DDX10: variants seen among roughly 807,000 people sequenced by gnomAD.
The protein encoded by DDX10 is DEAD-box helicase 10.
Under a neutral mutation model 104.3 loss-of-function variants are expected in DDX10, and 74 were observed. The ratio of observed to expected loss-of-function variants is 0.71; its 90% CI spans 0.59 to 0.86. The LOEUF is 0.86. DDX10 is among the 40% of genes least tolerant of loss of function. The pLI, the probability that DDX10 is intolerant of heterozygous loss-of-function variation, is 0.00. For synonymous variants in DDX10, 351 were observed against 353.4 expected, an observed-to-expected ratio of 0.99 and a Z score of 0.08; for missense variants, 952 against 1,040.0, an observed-to-expected ratio of 0.92 and a Z score of 1.16.
chr11:108,730,424 A>G (rs1316227163), intron 13 of DDX10, among the ~76,000 whole-genome samples: 1 of 152,220 alleles, frequency 6.6e-6, no homozygotes, highest in Non-Finnish European at 1.5e-5. Flanking sequence ...ATCAAACAAA[A>G]GGAAAATATT....
intron 13 of DDX10, among the ~76,000 whole-genome samples, chr11:108,787,930 C>A (rs567826047): frequency 2.6e-4 from 39 of 150,276 alleles, no homozygotes; most frequent in Non-Finnish European, 3.9e-4. Flanking sequence ...AACTCCATCT[C>A]AAAAAAAAAT....
chr11:108,698,265 A>C (rs1036751444), intron 9 of DDX10, among the ~76,000 whole-genome samples: 14 of 152,248 alleles, frequency 9.2e-5, no homozygotes, highest in African/African-American at 3.4e-4. Flanking sequence ...AAATAATAAA[A>C]GTAAAAAGAC....
chr11:108,828,202 T>C (rs1334574731), intron 13 of DDX10, among the ~76,000 whole-genome samples: 1 of 152,226 alleles, frequency 6.6e-6, no homozygotes, highest in East Asian at 1.9e-4. Context: ...GCAGTGTTTA[T>C]TTACATGAAT....
rs552544144 is a variant in DDX10 at position 108,790,226 on chromosome 11, A to G, written c.1966-48220A>G. 2.8e-4 allele frequency among the ~76,000 whole-genome samples: 43 copies of G among 152,300 alleles called. No homozygotes were observed. The South Asian group carries it at 4.6e-3, about 16-fold the overall frequency. On this transcript the variant is annotated intron_variant, in intron 13 of 17. Transcript: ENST00000322536. The stretch of plus-strand genomic sequence containing the variant: ...AAAATTTCGCTTATTCTTTGACTTC[A>G]TGTATGTTCACTATCATTACTTAAA...
intron 6 of DDX10, among the ~76,000 whole-genome samples, chr11:108,686,486 G>A (rs2094244292): frequency 6.6e-6 from 1 of 152,192 alleles, no homozygotes; most frequent in Non-Finnish European, 1.5e-5. Flanking sequence ...GAACCATACA[G>A]TATGGTAGCC....
chr11:108,757,902 T>C (rs2094346396), intron 13 of DDX10, among the ~76,000 whole-genome samples: 1 of 152,078 alleles, frequency 6.6e-6, no homozygotes, highest in Non-Finnish European at 1.5e-5. Flanking sequence ...TCAGTACCTT[T>C]AATGTAATTG....
In DDX10 at chr11:108,676,367, T is replaced by TA. The variant is rs759744142; in HGVS notation, c.378+650dup. Among the ~76,000 whole-genome samples the TA allele has an allele frequency of 1.1e-3, 170 of 150,540 alleles. 2 individuals are homozygous for TA. The East Asian group carries it at 0.029, about 26-fold the overall frequency. ...AAATCCTAGTGTGTTTTTGCCCCCT[T>TA]AAAAAAAAAGGCTCCCTATAGCTAG... On this transcript the variant is annotated intron_variant, in intron 3 of 17. Transcript: ENST00000322536.
At chr11:108,849,020 T>G (rs977376827) in intron 15 of DDX10, among the ~76,000 whole-genome samples, 1 of 152,184 alleles carries the variant, frequency 6.6e-6, no homozygotes, top group Non-Finnish European at 1.5e-5. Flanking sequence ...ATCCTTGTTA[T>G]AGTTGTTACA....
intron 7 of DDX10, chr11:108,690,642 G>T: frequency 6.4e-6 from 1 of 156,782 alleles, no homozygotes; most frequent in South Asian, 1.7e-4. Context: ...AACATGCCTT[G>T]AATCCAGTGC....
intron 6 of DDX10, among the ~76,000 whole-genome samples, chr11:108,684,301 C>T (rs1213702013): frequency 1.3e-5 from 2 of 149,940 alleles, no homozygotes; most frequent in Non-Finnish European, 3.0e-5. Context: ...ACTAACTTGT[C>T]ATCTTGTCAT....
At chr11:108,705,053 C>T (rs1401288656) in intron 9 of DDX10, among the ~76,000 whole-genome samples, 1 of 152,196 alleles carries the variant, frequency 6.6e-6, no homozygotes, top group Admixed American at 6.5e-5. Flanking sequence ...TAAAATTCTA[C>T]TTACATATTG....
intron 17 of DDX10, chr11:108,920,199 A>T (rs1863804736): frequency 6.6e-6 from 1 of 152,242 alleles, no homozygotes; most frequent in Non-Finnish European, 1.5e-5. Flanking sequence ...AAGTTCATAC[A>T]GTGTAATGGT....
intron 13 of DDX10, among the ~76,000 whole-genome samples, chr11:108,777,662 C>G (rs186786490): frequency 1.3e-3 from 191 of 152,228 alleles, no homozygotes; most frequent in Middle Eastern, 6.8e-3. Context: ...TACACCACTC[C>G]TATTCAACAT....
chr11:108,684,444 T>C (rs1278884948), intron 6 of DDX10, among the ~76,000 whole-genome samples: 1 of 145,240 alleles, frequency 6.9e-6, no homozygotes, highest in Non-Finnish European at 1.5e-5. Context: ...AGTGAGAATA[T>C]GCAGTGTTTG....
Position 108,940,499 on chromosome 11 carries a change from T to TG in DDX10, c.*81dup, listed in dbSNP as rs1864095523. 3 of 1,509,424 alleles carry TG rather than the reference T, an allele frequency of 2.0e-6. No homozygotes were observed. Among genetic ancestry groups the TG allele is most frequent in the Admixed American group, 1.9e-5 (1 of 52,726 alleles). The allele number at this position is 1,509,424 out of a possible 1,614,324, so 93.5% of individuals were successfully genotyped here. The stretch of plus-strand genomic sequence containing the variant: ...GCAAGAAGTTGAAAAACAGTTGATT[T>TG]GGGGGCACTTAGGTACCATATGCCC... On this transcript the variant is annotated 3_prime_UTR_variant, in exon 18 of 18. Coordinates refer to ENST00000322536, the MANE Select transcript of DDX10 (RefSeq NM_004398.4).
chr11:108,940,122 G>A (rs1864087599), intron 17 of DDX10, 124 bp from the exon 18 acceptor site: 6 of 1,032,294 alleles, frequency 5.8e-6, no homozygotes, highest in Non-Finnish European at 8.3e-6. Context: ...ATATCTTGAT[G>A]TTGCCATGGT....
chr11:108,696,242 T>C (rs1178577688), intron 9 of DDX10, among the ~76,000 whole-genome samples: 2 of 152,140 alleles, frequency 1.3e-5, no homozygotes, highest in African/African-American at 4.8e-5. Context: ...AGTGGCACAA[T>C]CTCAGCTCAC....
chr11:108,900,303 G>T (rs932232369), intron 16 of DDX10, among the ~76,000 whole-genome samples: 1 of 152,064 alleles, frequency 6.6e-6, no homozygotes, highest in Non-Finnish European at 1.5e-5. Flanking sequence ...CTGGTCTCAG[G>T]TATTTCTTTA....
chr11:108,928,252 C>A (rs552246592), intron 17 of DDX10, among the ~76,000 whole-genome samples: 2 of 152,290 alleles, frequency 1.3e-5, no homozygotes, highest in East Asian at 3.9e-4. Context: ...GTTCTCGCTA[C>A]ATGGAATAAT....
Sources: allele counts gnomAD v4.1 joint callset (sites outside exome capture counted in the v4.1 genomes callset), GRCh38; gene constraint gnomAD v4.1.1; transcripts MANE v1.5; gene names NCBI Gene and HGNC (gene_info 2026-07-23, HGNC 2026-07-21).